The following SMIM13 variants were observed in gnomAD, a reference collection of about 807,000 sequenced individuals.
SMIM13 encodes UPF0766 protein C6orf228.
Under a neutral mutation model 5.9 loss-of-function variants are expected in SMIM13, and 3 were observed. The observed-to-expected ratio is 0.51, with a 90% CI of 0.23 to 1.31. The LOEUF (loss-of-function observed/expected upper bound fraction) is 1.31. SMIM13 is among the 40% of genes most tolerant of loss of function. The pLI is 0.18. For missense variants in SMIM13, 85 were observed against 109.9 expected (o/e 0.77, Z 1.01); for synonymous variants, 55 against 46.0 (o/e 1.19, Z -0.79).
intron 1 of SMIM13, among the ~76,000 whole-genome samples, chr6:11,109,975 G>A (rs936012789): frequency 7.9e-5 from 12 of 152,182 alleles, no homozygotes; most frequent in African/African-American, 2.9e-4. Context: ...TTTGCGTATG[G>A]CAGTGTCCCC....
rs538013300 is a variant in SMIM13, at chr6:11,137,995, C to T, written c.*3393C>T. On this transcript the variant is annotated 3_prime_UTR_variant, in exon 2 of 2. Coordinates refer to ENST00000416247, the MANE Select transcript of SMIM13 (RefSeq NM_001135575.2). ...GTAATGGATTCACAAAATATGATAT[C>T]TTAAAACATGTTGAAAGATTTGAAA... 3.9e-5 allele frequency: 6 copies of T among 152,140 alleles called. No individual in the cohort carries two copies. Among genetic ancestry groups the T allele is most frequent in the Non-Finnish European group, 8.8e-5 (6 of 67,996 alleles). The allele number at this position is 152,140 out of a possible 1,614,324, so 9.4% of individuals were successfully genotyped here. A position where few individuals can be genotyped will look rare whatever the true frequency, so the allele number is the denominator to read the frequency against.
At chr6:11,133,801 C>T (rs1012148865) in intron 1 of SMIM13, among the ~76,000 whole-genome samples, 2 of 148,614 alleles carry the variant, frequency 1.3e-5, no homozygotes, top group African/African-American at 2.5e-5. Flanking sequence ...GTGAAAATAT[C>T]GTATTTTAAA....
chr6:11,105,564 T>G (rs1758073273), intron 1 of SMIM13: 1 of 435,844 alleles, frequency 2.3e-6, no homozygotes, highest in South Asian at 3.2e-5. Context: ...CTCTGGAGTT[T>G]AAGGGCTTTT....
intron 1 of SMIM13, among the ~76,000 whole-genome samples, chr6:11,097,124 C>T (rs1287499628): frequency 6.6e-6 from 1 of 152,198 alleles, no homozygotes; most frequent in Admixed American, 6.5e-5. Flanking sequence ...AGGCATGAGC[C>T]ACCCATGCCC....
At chr6:11,100,370 C>T (rs1230689428) in intron 1 of SMIM13, among the ~76,000 whole-genome samples, 1 of 152,156 alleles carries the variant, frequency 6.6e-6, no homozygotes, top group Non-Finnish European at 1.5e-5. Context: ...TACTTTGGTA[C>T]ATTGTTATGT....
intron 1 of SMIM13, among the ~76,000 whole-genome samples, chr6:11,115,155 C>CT (rs1434193792): frequency 2.6e-5 from 4 of 152,008 alleles, no homozygotes; most frequent in Admixed American, 2.6e-4. Flanking sequence ...GGTACTGTTC[C>CT]TGTCTCTTTG....
At chr6:11,124,582 G>A (rs1389045918) in intron 1 of SMIM13, among the ~76,000 whole-genome samples, 4 of 152,038 alleles carry the variant, frequency 2.6e-5, no homozygotes, top group South Asian at 4.2e-4. Flanking sequence ...AGGAACCTCC[G>A]AATTGTTCTC....
intron 1 of SMIM13, among the ~76,000 whole-genome samples, chr6:11,132,797 G>A (rs1165818089): frequency 6.6e-6 from 1 of 152,172 alleles, no homozygotes; most frequent in East Asian, 1.9e-4. Context: ...GACTGTTAAT[G>A]GGTATGAGGT....
In SMIM13 at chr6:11,134,696, T is replaced by A; in HGVS notation, c.*94T>A. On this transcript the variant is annotated 3_prime_UTR_variant, in exon 2 of 2. Transcript: ENST00000416247. The stretch of plus-strand genomic sequence containing the variant: ...TACTAATGACTGAAGAACATTTGTA[T>A]TGGATTTTAAGTCGAATTTTAAAAA... 9.9e-7 allele frequency: 1 copy of A among 1,010,084 alleles called. No homozygotes were observed. Among genetic ancestry groups the A allele is most frequent in the Non-Finnish European group, 1.3e-6 (1 of 743,666 alleles). The allele number at this position is 1,010,084 out of a possible 1,614,324, so 62.6% of individuals were successfully genotyped here. A position where few individuals can be genotyped will look rare whatever the true frequency, so the allele number is the denominator to read the frequency against.
chr6:11,137,604 C>T lies in SMIM13; in HGVS notation c.*3002C>T, dbSNP rs1434964819. ...GCATGCCATCTTTTGAAGATTAATT[C>T]TAAAATTGAGGACTCTGGTAGGTTG... is the stretch of plus-strand genomic sequence containing the variant. On this transcript the variant is annotated 3_prime_UTR_variant, in exon 2 of 2. Coordinates refer to ENST00000416247, the MANE Select transcript of SMIM13 (RefSeq NM_001135575.2). 2 of 152,150 alleles carry T rather than the reference C, an allele frequency of 1.3e-5. No homozygotes were observed. The highest frequency in any genetic ancestry group is 2.9e-5 in the Non-Finnish European group (2 of 68,010). 9.4% of individuals were successfully genotyped at this position (152,150 alleles called of 1,614,324 possible). A position where few individuals can be genotyped will look rare whatever the true frequency, so the allele number is the denominator to read the frequency against.
rs976238949 is a variant in SMIM13 at position 11,104,265 on chromosome 6, C to G, written c.76+9876C>G. The G allele has an allele frequency of 1.6e-5, 25 of 1,551,680 alleles. No homozygotes were observed. In the African/African-American group the frequency reaches 2.2e-4, roughly 14 times the overall value. On this transcript the variant is annotated intron_variant, in intron 1 of 1. Coordinates refer to ENST00000416247, the MANE Select transcript of SMIM13 (RefSeq NM_001135575.2). ...AAGGGGAATGAAATGGATTGCCCTC[C>G]TCACCCTGGGCAACGGGGAATTCCC...
intron 1 of SMIM13, among the ~76,000 whole-genome samples, chr6:11,095,141 T>C (rs1028846213): frequency 6.6e-6 from 1 of 152,184 alleles, no homozygotes; most frequent in African/African-American, 2.4e-5. Context: ...AAAAAGTACG[T>C]AGAACACGTG....
intron 1 of SMIM13, chr6:11,104,784 G>A (rs774035002): frequency 8.7e-6 from 14 of 1,614,088 alleles, no homozygotes; most frequent in Non-Finnish European, 1.2e-5. Flanking sequence ...AGTAATATTT[G>A]GAGGTTTGGG....
intron 1 of SMIM13, chr6:11,103,620 A>G: frequency 6.1e-6 from 9 of 1,467,602 alleles, no homozygotes; most frequent in Non-Finnish European, 8.1e-6. Flanking sequence ...AACCATATCC[A>G]GCCAGGTCCA....
At chr6:11,126,023 G>A (rs891341358) in intron 1 of SMIM13, among the ~76,000 whole-genome samples, 2 of 151,290 alleles carry the variant, frequency 1.3e-5, no homozygotes, top group African/African-American at 2.4e-5. Context: ...TTTTTCTTTT[G>A]TCTCCTCTGA....
rs148249001 is a variant in SMIM13, at chr6:11,095,288, G to A, written c.76+899G>A. Among the ~76,000 whole-genome samples, 434 of 152,290 alleles carry A rather than the reference G, an allele frequency of 2.8e-3. 10 individuals are homozygous for A. The East Asian group carries it at 0.031, about 11-fold the overall frequency. ...CAAATTAATACTTAGTGACGCTGTG[G>A]AATATATGTGTGCACTTGTGCATAT... On this transcript the variant is annotated intron_variant, in intron 1 of 1. Coordinates refer to ENST00000416247, the MANE Select transcript of SMIM13 (RefSeq NM_001135575.2).
At chr6:11,119,112 A>G (rs556376120) in intron 1 of SMIM13, among the ~76,000 whole-genome samples, 17 of 152,208 alleles carry the variant, frequency 1.1e-4, no homozygotes, top group Non-Finnish European at 2.4e-4. Context: ...AATAGAATCT[A>G]TAGCACTGGG....
chr6:11,130,267 A>AAACAAC (rs55970005), intron 1 of SMIM13, among the ~76,000 whole-genome samples: 7 of 145,658 alleles, frequency 4.8e-5, no homozygotes, highest in East Asian at 2.0e-4. Flanking sequence ...AAAAAAAAAA[A>AAACAAC]AACAACAACA....
intron 1 of SMIM13, among the ~76,000 whole-genome samples, chr6:11,110,541 G>A (rs1324457445): frequency 6.6e-6 from 1 of 152,160 alleles, no homozygotes; most frequent in East Asian, 1.9e-4. Flanking sequence ...TGAAGGTCCT[G>A]ATACATATTG....
Sources: gnomAD v4.1 joint callset for allele counts (sites outside exome capture counted in the v4.1 genomes callset) on GRCh38, gnomAD v4.1.1 for gene constraint, MANE v1.5 for transcripts, NCBI Gene and HGNC (gene_info 2026-07-23, HGNC 2026-07-21) for gene names.